TAF3: variants seen among roughly 807,000 people sequenced by gnomAD.
TAF3 encodes transcription initiation factor TFIID subunit 3.
TAF3 carries 7 observed loss-of-function variants against 80.6 expected under a neutral mutation model. The ratio of observed to expected loss-of-function variants is 0.09; its 90% CI spans 0.05 to 0.16. TAF3 has a LOEUF of 0.16. Ranked by LOEUF, TAF3 falls within the 10% of genes least tolerant of loss-of-function variation. The probability of loss-of-function intolerance (pLI) is 1.00; values close to 1 mark genes in which losing one functional copy is unlikely to be tolerated. For missense variants in TAF3, 921 were observed against 1,140.2 expected (o/e 0.81, Z 2.77); for synonymous variants, 444 against 446.1 (o/e 1.00, Z 0.06).
intron 4 of TAF3, among the ~76,000 whole-genome samples, chr10:7,991,678 C>T (rs1831835666): frequency 6.6e-6 from 1 of 152,148 alleles, no homozygotes; most frequent in Admixed American, 6.5e-5. Context: ...ATGTGTGTGT[C>T]TATATCACAT....
intron 2 of TAF3, among the ~76,000 whole-genome samples, chr10:7,838,104 A>T (rs554312852): frequency 4.6e-5 from 7 of 152,358 alleles, no homozygotes; most frequent in Admixed American, 3.3e-4. Context: ...TTTAAAAATC[A>T]TAATTGAATT....
chr10:7,874,087 C>G (rs1837293098), intron 2 of TAF3, among the ~76,000 whole-genome samples: 1 of 152,288 alleles, frequency 6.6e-6, no homozygotes, highest in African/African-American at 2.4e-5. Context: ...TATTGCCAAG[C>G]TCTTAATGAT....
chr10:7,879,704 G>T (rs1047478619), intron 2 of TAF3, among the ~76,000 whole-genome samples: 1 of 152,102 alleles, frequency 6.6e-6, no homozygotes, highest in South Asian at 2.1e-4. Flanking sequence ...TTATTCATCT[G>T]ATGGGCCATA....
chr10:8,005,480 TG>T (rs1831982525), intron 4 of TAF3, among the ~76,000 whole-genome samples: 1 of 152,268 alleles, frequency 6.6e-6, no homozygotes, highest in African/African-American at 2.4e-5. Flanking sequence ...CTTTACCTTA[TG>T]GGTATAGCCC....
At chr10:7,914,382 A>G (rs533256198) in intron 2 of TAF3, among the ~76,000 whole-genome samples, 3 of 152,180 alleles carry the variant, frequency 2.0e-5, no homozygotes, top group South Asian at 4.1e-4. Flanking sequence ...TCCTATTTCA[A>G]TCATTTCACT....
intron 4 of TAF3, among the ~76,000 whole-genome samples, chr10:7,987,656 C>T (rs1005913834): frequency 7.9e-5 from 12 of 152,190 alleles, no homozygotes; most frequent in Non-Finnish European, 1.3e-4. Context: ...ACCAGCCGTA[C>T]ATGAGGATGA....
intron 2 of TAF3, among the ~76,000 whole-genome samples, chr10:7,868,933 T>C (rs1230430137): frequency 3.9e-5 from 6 of 152,198 alleles, no homozygotes; most frequent in East Asian, 3.8e-4. Flanking sequence ...TTTAAACTTA[T>C]GAAGGTCTGA....
chr10:7,855,605 A>G (rs1439293381), intron 2 of TAF3, among the ~76,000 whole-genome samples: 2 of 152,176 alleles, frequency 1.3e-5, no homozygotes, highest in Non-Finnish European at 2.9e-5. Flanking sequence ...CGATTCCTCT[A>G]CAGTGGAGTC....
At chr10:7,963,889 A>AT (rs747015688) in intron 2 of TAF3, 31 bp from the exon 3 acceptor site, 39 of 1,509,734 alleles carry the variant, frequency 2.6e-5, no homozygotes, top group Non-Finnish European at 3.2e-5. Flanking sequence ...AATAATATTT[A>AT]TTTTTTTCTT....
At chr10:7,943,210 A>G (rs1837993214) in intron 2 of TAF3, among the ~76,000 whole-genome samples, 1 of 152,168 alleles carries the variant, frequency 6.6e-6, no homozygotes, top group Admixed American at 6.5e-5. Flanking sequence ...TGAATGAAAC[A>G]GGCGCTCGAT....
intron 2 of TAF3, among the ~76,000 whole-genome samples, chr10:7,910,504 C>G (rs1837647498): frequency 6.6e-6 from 1 of 152,132 alleles, no homozygotes; most frequent in Admixed American, 6.5e-5. Context: ...CTTCAGCCTC[C>G]CGAGTAGCTG....
At chr10:7,899,475 T>C (rs1352940923) in intron 2 of TAF3, among the ~76,000 whole-genome samples, 1 of 152,246 alleles carries the variant, frequency 6.6e-6, no homozygotes, top group Non-Finnish European at 1.5e-5. Flanking sequence ...TTTGCATTTC[T>C]CTTTGCAGTG....
intron 2 of TAF3, among the ~76,000 whole-genome samples, chr10:7,945,267 G>C (rs1050014072): frequency 1.3e-5 from 2 of 152,090 alleles, no homozygotes; most frequent in African/African-American, 4.8e-5. Context: ...GTGAGTTTTT[G>C]TTTGTGTGCC....
rs928702235 is a variant in TAF3, at chr10:7,818,612, C to T, written c.-98C>T. 7.4e-6 allele frequency: 10 copies of T among 1,357,854 alleles called. No homozygotes were observed. Among genetic ancestry groups the T allele is most frequent in the East Asian group, 2.9e-5 (1 of 35,072 alleles). 84.1% of individuals were successfully genotyped at this position (1,357,854 alleles called of 1,614,324 possible). A position where few individuals can be genotyped will look rare whatever the true frequency, so the allele number is the denominator to read the frequency against. On this transcript the variant is annotated 5_prime_UTR_variant, in exon 1 of 7. Coordinates refer to ENST00000344293, the MANE Select transcript of TAF3 (RefSeq NM_031923.4). Reference sequence around the variant, plus strand: ...GGTCCGGGGGACCCTTTCCCCGCCGCGGAAGCCCTAGAGGATGAATCGGGG... The same window carrying T: ...GGTCCGGGGGACCCTTTCCCCGCCGTGGAAGCCCTAGAGGATGAATCGGGG...
intron 2 of TAF3, among the ~76,000 whole-genome samples, chr10:7,835,352 A>C (rs1445035428): frequency 6.6e-6 from 1 of 152,154 alleles, no homozygotes; most frequent in African/African-American, 2.4e-5. Context: ...TTAGAAGGAG[A>C]TTCAGGGTAG....
At chr10:7,936,426 C>A (rs972583266) in intron 2 of TAF3, among the ~76,000 whole-genome samples, 20 of 151,540 alleles carry the variant, frequency 1.3e-4, no homozygotes, top group African/African-American at 3.9e-4. Flanking sequence ...TCAGCAAATT[C>A]TTTTAGAGTT....
chr10:7,961,930 G>C (rs1019324959), intron 2 of TAF3, among the ~76,000 whole-genome samples: 1 of 151,788 alleles, frequency 6.6e-6, no homozygotes, highest in Non-Finnish European at 1.5e-5. Context: ...GCTCATTGCA[G>C]CCTCAACCTT....
intron 2 of TAF3, among the ~76,000 whole-genome samples, chr10:7,839,170 T>TG (rs1216345040): frequency 2.0e-5 from 3 of 152,160 alleles, no homozygotes; most frequent in Admixed American, 2.0e-4. Context: ...AAAATAACTA[T>TG]GTACCTGGGT....
At position 7,940,507 on chromosome 10, in the gene TAF3, TA is replaced by T. The variant is rs1181269081; in HGVS notation, c.410-23407del. On this transcript the variant is annotated intron_variant, in intron 2 of 6. Transcript: ENST00000344293. ...TGGATAACTCCGATAAACAACTGTA[TA>T]AAAAACAGTGTGCAGTTCTCATAAA... Among the ~76,000 whole-genome samples, 12 of 152,304 alleles carry T rather than the reference TA, an allele frequency of 7.9e-5. No homozygotes were observed. The East Asian group carries it at 1.7e-3, about 22-fold the overall frequency.
Sources: allele counts gnomAD v4.1 joint callset (sites outside exome capture counted in the v4.1 genomes callset), GRCh38; gene constraint gnomAD v4.1.1; transcripts MANE v1.5; gene names NCBI Gene and HGNC (gene_info 2026-07-23, HGNC 2026-07-21).